The following VPS37A variants were observed in gnomAD, a reference collection of about 807,000 sequenced individuals.
VPS37A encodes vacuolar protein sorting-associated protein 37A.
Under a neutral mutation model 49.8 loss-of-function variants are expected in VPS37A, and 30 were observed. The observed-to-expected ratio is 0.60, with a 90% CI of 0.45 to 0.82. The LOEUF is 0.82. VPS37A is among the 40% of genes least tolerant of loss of function. VPS37A has a pLI of 0.00. For missense variants in VPS37A, 593 were observed against 464.4 expected (o/e 1.28, Z -2.55); for synonymous variants, 195 against 160.6 (o/e 1.21, Z -1.62).
rs557527728 is a variant in VPS37A at position 17,296,084 on chromosome 8, T to G, written c.*1098T>G. 2.6e-5 allele frequency: 4 copies of G among 152,340 alleles called. No homozygotes were observed. In the South Asian group the frequency reaches 8.3e-4, roughly 32 times the overall value. 9.4% of individuals were successfully genotyped at this position (152,340 alleles called of 1,614,324 possible). On this transcript the variant is annotated 3_prime_UTR_variant, in exon 12 of 12. Transcript: ENST00000324849. The stretch of plus-strand genomic sequence containing the variant: ...AAACAAACTAATGCATAATTTTGCT[T>G]AAATTTCATCCCAGTATGATTGTCT...
chr8:17,275,996 A>G (rs1029337), intron 5 of VPS37A, among the ~76,000 whole-genome samples: 3,581 of 152,252 alleles, frequency 0.024, 151 homozygotes, highest in African/African-American at 0.082. Flanking sequence ...TTGCTCATCT[A>G]CCCTACCGTC....
intron 6 of VPS37A, among the ~76,000 whole-genome samples, chr8:17,279,154 AGTT>A (rs1814795944): frequency 1.3e-5 from 2 of 152,112 alleles, no homozygotes; most frequent in South Asian, 4.1e-4. Context: ...GTTAAAACGG[AGTT>A]GTTGTGACTG....
the VPS37A span, among the ~76,000 whole-genome samples, chr8:17,330,672 G>A: frequency 6.6e-6 from 1 of 152,130 alleles, no homozygotes; most frequent in Admixed American, 6.5e-5. Context: ...TGGAGGTGGC[G>A]GGAGGTTACA....
intron 1 of VPS37A, among the ~76,000 whole-genome samples, chr8:17,264,708 C>G (rs186884488): frequency 3.3e-5 from 5 of 152,258 alleles, no homozygotes; most frequent in African/African-American, 1.2e-4. Flanking sequence ...AAAAGCAAAT[C>G]ATTAGTCATA....
At chr8:17,259,234 A>G (rs182107335) in intron 1 of VPS37A, among the ~76,000 whole-genome samples, 22 of 152,024 alleles carry the variant, frequency 1.4e-4, no homozygotes, top group African/African-American at 5.3e-4. Context: ...TCTTCTTTGT[A>G]TCACTTTTGC....
chr8:17,256,970 G>A (rs1207178693), intron 1 of VPS37A, among the ~76,000 whole-genome samples: 1 of 152,104 alleles, frequency 6.6e-6, no homozygotes, highest in Non-Finnish European at 1.5e-5. Context: ...AGATGCCTGT[G>A]CTTTTGAGGT....
the VPS37A span, chr8:17,309,415 A>C: frequency 2.8e-4 from 254 of 907,496 alleles, 2 homozygotes; most frequent in Middle Eastern, 1.7e-3. Flanking sequence ...ATTCAGAGGC[A>C]CTTGCAGAAG....
At chr8:17,251,928 A>T (rs1056139542) in intron 1 of VPS37A, among the ~76,000 whole-genome samples, 2 of 152,148 alleles carry the variant, frequency 1.3e-5, no homozygotes, top group Admixed American at 6.5e-5. Flanking sequence ...GATCACAGCT[A>T]TAAGACTTTG....
chr8:17,259,794 C>T (rs1212046856), intron 1 of VPS37A, among the ~76,000 whole-genome samples: 2 of 152,088 alleles, frequency 1.3e-5, no homozygotes, highest in South Asian at 4.1e-4. Context: ...TATCTGCTTG[C>T]TGAATTGACC....
downstream of VPS37A, chr8:17,299,711 G>T: frequency 9.7e-7 from 1 of 1,035,642 alleles, no homozygotes; most frequent in Non-Finnish European, 1.4e-6. Context: ...AAGAAATCAA[G>T]AACTGGGCAC....
intron 10 of VPS37A, among the ~76,000 whole-genome samples, chr8:17,285,634 C>A (rs1187723751): frequency 3.3e-5 from 5 of 152,076 alleles, no homozygotes. Context: ...TTTATCATTC[C>A]CATTTTTCAT....
the VPS37A span, among the ~76,000 whole-genome samples, chr8:17,312,478 GAC>G: frequency 1.3e-5 from 2 of 149,548 alleles, no homozygotes; most frequent in Admixed American, 1.4e-4. Context: ...GGGAGGCTGA[GAC>G]AGAAGAATCG....
At position 17,272,269 on chromosome 8, in the gene VPS37A, T is replaced by C. The variant is rs534545297; in HGVS notation, c.417-2464T>C. On this transcript the variant is annotated intron_variant, in intron 4 of 11. Coordinates refer to ENST00000324849, the MANE Select transcript of VPS37A (RefSeq NM_152415.3). ...TGGTCCCAAAGCTACTCCCACACTT[T>C]AGATTTTTGTTGTTGTTGTTGTCAT... Among the ~76,000 whole-genome samples, 4 of 152,278 alleles carry C rather than the reference T, an allele frequency of 2.6e-5. No individual in the cohort carries two copies. The South Asian group carries it at 6.2e-4, about 24-fold the overall frequency.
chr8:17,304,906 A>T (rs1334839567), downstream of VPS37A, among the ~76,000 whole-genome samples: 1 of 152,182 alleles, frequency 6.6e-6, no homozygotes, highest in African/African-American at 2.4e-5. Flanking sequence ...TCTAATTTAC[A>T]GATGAAGAAA....
At chr8:17,286,254 A>G in intron 10 of VPS37A, 93 bp from the exon 11 acceptor site, 5 of 961,338 alleles carry the variant, frequency 5.2e-6, no homozygotes, top group Admixed American at 5.4e-5. Flanking sequence ...AATAATGCCA[A>G]CAAGTTAAAA....
At chr8:17,272,008 G>A (rs981627558) in intron 4 of VPS37A, 4 of 456,540 alleles carry the variant, frequency 8.8e-6, no homozygotes, top group Admixed American at 4.7e-5. Context: ...TAGAAATCAG[G>A]TGGCACCATC....
chr8:17,293,220 CCTTT>C (rs1464396633), intron 11 of VPS37A, among the ~76,000 whole-genome samples: 1 of 151,490 alleles, frequency 6.6e-6, no homozygotes, highest in Non-Finnish European at 1.5e-5. Flanking sequence ...TCTCTGATAT[CCTTT>C]CTTCTGCTTG....
downstream of VPS37A, chr8:17,302,071 C>T: frequency 6.4e-7 from 1 of 1,568,708 alleles, no homozygotes; most frequent in Non-Finnish European, 8.7e-7. Flanking sequence ...TTGTATTGCA[C>T]TGAATCTTAA....
At chr8:17,273,023 CTTTTTTTT>C (rs1166192119) in intron 4 of VPS37A, among the ~76,000 whole-genome samples, 4 of 43,824 alleles carry the variant, frequency 9.1e-5, no homozygotes, top group South Asian at 7.9e-4. Flanking sequence ...TTTGCCCTTC[CTTTTTTTT>C]TTTTTTTTTT....
Sources: allele counts gnomAD v4.1 joint callset (sites outside exome capture counted in the v4.1 genomes callset), GRCh38; gene constraint gnomAD v4.1.1; transcripts MANE v1.5; gene names NCBI Gene and HGNC (gene_info 2026-07-23, HGNC 2026-07-21).